The following ELMO1 variants were observed in gnomAD, a reference collection of about 807,000 sequenced individuals.
The protein encoded by ELMO1 is engulfment and cell motility 1.
ELMO1 carries 26 observed loss-of-function variants against 98.9 expected under a neutral mutation model. The ratio of observed to expected loss-of-function variants is 0.26; its 90% CI spans 0.19 to 0.36. ELMO1 has a LOEUF of 0.36. Ranked by LOEUF, ELMO1 falls within the 10% of genes least tolerant of loss-of-function variation. The pLI is 1.00. For missense variants in ELMO1, 627 were observed against 935.2 expected, an observed-to-expected ratio of 0.67 and a Z score of 4.30; for synonymous variants, 346 against 346.0, an observed-to-expected ratio of 1.00 and a Z score of 0.00.
At chr7:37,158,986 A>C (rs903897358) in intron 13 of ELMO1, among the ~76,000 whole-genome samples, 1 of 152,244 alleles carries the variant, frequency 6.6e-6, no homozygotes. Context: ...AAAAAGGATG[A>C]GTTCATGTGC....
In ELMO1 at chr7:37,307,620, A is replaced by G. The variant is rs185036828; in HGVS notation, c.192+7230T>C. Among the ~76,000 whole-genome samples, 30 of 152,368 alleles carry G rather than the reference A, an allele frequency of 2.0e-4. 1 individual carries two copies. In the Middle Eastern group the frequency reaches 0.014, roughly 69 times the overall value. Reference sequence around the variant, plus strand: ...GTAAACAGGCAAATTTATCAAGAAGATATCACTTTGGAAATAAATAAAATG... The same window carrying G: ...GTAAACAGGCAAATTTATCAAGAAGGTATCACTTTGGAAATAAATAAAATG... On this transcript the variant is annotated intron_variant, in intron 4 of 21. Coordinates refer to ENST00000310758, the MANE Select transcript of ELMO1 (RefSeq NM_014800.11).
intron 16 of ELMO1, among the ~76,000 whole-genome samples, chr7:36,952,111 G>A (rs896478534): frequency 2.0e-5 from 3 of 152,202 alleles, no homozygotes; most frequent in South Asian, 4.1e-4. Context: ...TGCATCCCAC[G>A]CAAACCCATG....
At chr7:36,955,320 A>G (rs1408232531) in intron 16 of ELMO1, among the ~76,000 whole-genome samples, 4 of 152,076 alleles carry the variant, frequency 2.6e-5, no homozygotes, top group South Asian at 2.1e-4. Flanking sequence ...ATCTCCCTTC[A>G]TACTCACCAC....
chr7:37,108,438 T>G (rs146562715), intron 14 of ELMO1, among the ~76,000 whole-genome samples: 31 of 152,338 alleles, frequency 2.0e-4, no homozygotes, highest in Admixed American at 1.4e-3. Flanking sequence ...ATGTATGGTT[T>G]TCCTAAACAA....
At chr7:37,429,523 C>T (rs1417857800) in intron 1 of ELMO1, 3 of 152,276 alleles carry the variant, frequency 2.0e-5, no homozygotes, top group Admixed American at 2.0e-4. Context: ...ATCTGGTCAG[C>T]TCTGAAAATC....
rs548617423 is a variant in ELMO1, at chr7:37,113,297, C to G, written c.1192-16570G>C. On this transcript the variant is annotated intron_variant, in intron 14 of 21. Coordinates refer to ENST00000310758, the MANE Select transcript of ELMO1 (RefSeq NM_014800.11). Reference sequence around the variant, plus strand: ...TGTCTTCTGTGTGCCTGGCACTGCCCCGGGCACTGGGGTACCGCAGTGACA... The same window carrying G: ...TGTCTTCTGTGTGCCTGGCACTGCCGCGGGCACTGGGGTACCGCAGTGACA... Among the ~76,000 whole-genome samples, 5 of 152,328 alleles carry G rather than the reference C, an allele frequency of 3.3e-5. No individual in the cohort carries two copies. The South Asian group carries it at 1.0e-3, about 32-fold the overall frequency.
intron 5 of ELMO1, among the ~76,000 whole-genome samples, chr7:37,268,057 C>T (rs916938512): frequency 1.3e-5 from 2 of 152,266 alleles, no homozygotes; most frequent in South Asian, 2.1e-4. Context: ...CTTCTTAAAA[C>T]AAAAATTTCA....
At chr7:37,150,342 G>A (rs1332361568) in intron 13 of ELMO1, among the ~76,000 whole-genome samples, 4 of 149,886 alleles carry the variant, frequency 2.7e-5, no homozygotes. Flanking sequence ...TTAACAGACT[G>A]AGACAAACAG....
At chr7:37,413,666 C>T (rs186609890) in intron 1 of ELMO1, among the ~76,000 whole-genome samples, 1 of 152,130 alleles carries the variant, frequency 6.6e-6, no homozygotes, top group African/African-American at 2.4e-5. Flanking sequence ...CACCCTTCAG[C>T]ACTTTCCTTT....
chr7:37,268,588 C>A (rs1036841918), intron 5 of ELMO1, among the ~76,000 whole-genome samples: 1 of 152,178 alleles, frequency 6.6e-6, no homozygotes, highest in Non-Finnish European at 1.5e-5. Context: ...GTGTGAGCCA[C>A]CACACCCAGC....
chr7:37,000,380 C>A (rs183386383), intron 16 of ELMO1, among the ~76,000 whole-genome samples: 9 of 152,258 alleles, frequency 5.9e-5, no homozygotes, highest in African/African-American at 2.2e-4. Context: ...CACCTCGGAT[C>A]CAGCCAAGCC....
intron 16 of ELMO1, among the ~76,000 whole-genome samples, chr7:36,923,703 C>G (rs1164627220): frequency 6.6e-6 from 1 of 152,114 alleles, no homozygotes; most frequent in Non-Finnish European, 1.5e-5. Context: ...TACTTTGTAC[C>G]ATGTATTGGA....
chr7:37,047,558 T>A (rs1406510072), intron 15 of ELMO1, among the ~76,000 whole-genome samples: 2 of 152,226 alleles, frequency 1.3e-5, no homozygotes, highest in Non-Finnish European at 2.9e-5. Flanking sequence ...CAGATCTTTT[T>A]GAGTAAGGAA....
chr7:37,356,049 C>T (rs1801481349), intron 1 of ELMO1, among the ~76,000 whole-genome samples: 1 of 152,214 alleles, frequency 6.6e-6, no homozygotes, highest in African/African-American at 2.4e-5. Flanking sequence ...GCTGAGTACT[C>T]TGAACTAAAG....
At chr7:37,054,683 A>G (rs1433803859) in intron 15 of ELMO1, among the ~76,000 whole-genome samples, 1 of 152,210 alleles carries the variant, frequency 6.6e-6, no homozygotes, top group Admixed American at 6.5e-5. Context: ...TATATGAGAG[A>G]TCTGTCTATT....
intron 13 of ELMO1, among the ~76,000 whole-genome samples, chr7:37,165,322 C>A (rs1007048078): frequency 6.6e-6 from 1 of 151,080 alleles, no homozygotes; most frequent in Non-Finnish European, 1.5e-5. Context: ...ATTGAATAAC[C>A]TTTATTTCCT....
chr7:37,322,021 G>A (rs780037972), intron 2 of ELMO1, among the ~76,000 whole-genome samples: 74 of 151,584 alleles, frequency 4.9e-4, no homozygotes, highest in Admixed American at 7.9e-4. Flanking sequence ...CACCACAGTC[G>A]GCTAATTTTT....
intron 13 of ELMO1, among the ~76,000 whole-genome samples, chr7:37,179,656 G>A (rs1790721937): frequency 6.6e-6 from 1 of 152,114 alleles, no homozygotes; most frequent in Non-Finnish European, 1.5e-5. Context: ...CATGTGAATG[G>A]GGAAAGAGGA....
chr7:37,113,151 T>A (rs1425118759), intron 14 of ELMO1, among the ~76,000 whole-genome samples: 3 of 152,192 alleles, frequency 2.0e-5, no homozygotes, highest in Non-Finnish European at 4.4e-5. Flanking sequence ...CAGATAGAGA[T>A]CTACTTCTGT....
Sources: allele counts gnomAD v4.1 joint callset (sites outside exome capture counted in the v4.1 genomes callset), GRCh38; gene constraint gnomAD v4.1.1; transcripts MANE v1.5; gene names NCBI Gene and HGNC (gene_info 2026-07-23, HGNC 2026-07-21).